The following ARIH2 variants were observed in gnomAD, a reference collection of about 807,000 sequenced individuals.
ARIH2 encodes the protein E3 ubiquitin-protein ligase ARIH2.
In ARIH2, 12 loss-of-function variants were observed where a neutral mutation model predicts 79.8. The ratio of observed to expected loss-of-function variants is 0.15; its 90% confidence interval spans 0.10 to 0.24. The LOEUF is 0.24. ARIH2 is among the 10% of genes least tolerant of loss of function. The pLI, the probability that ARIH2 is intolerant of heterozygous loss-of-function variation, is 1.00. For synonymous variants in ARIH2, 224 were observed against 213.9 expected (o/e 1.05, Z -0.41); for missense variants, 301 against 618.3 (o/e 0.49, Z 5.44).
intron 14 of ARIH2, among the ~76,000 whole-genome samples, 196 bp downstream of exon 14, chr3:48,981,924 T>C (rs1203354154): frequency 6.6e-6 from 1 of 152,234 alleles, no homozygotes; most frequent in Non-Finnish European, 1.5e-5. Flanking sequence ...TTGTGTCATA[T>C]AAGGCACATG....
chr3:48,975,637 T>G (rs1446624153), intron 11 of ARIH2, among the ~76,000 whole-genome samples: 3 of 151,714 alleles, frequency 2.0e-5, no homozygotes, highest in Non-Finnish European at 4.4e-5. Context: ...CAGTCTTGGC[T>G]CACTGCAACC....
At chr3:48,940,883 G>T (rs995844300) in intron 3 of ARIH2, among the ~76,000 whole-genome samples, 1 of 148,276 alleles carries the variant, frequency 6.7e-6, no homozygotes, top group Non-Finnish European at 1.5e-5. Flanking sequence ...AAATATATTT[G>T]TGCAGGCTGG....
Position 48,981,650 on chromosome 3 carries a change from C to T in ARIH2, c.1258-10C>T. The T allele has an allele frequency of 6.2e-7, 1 of 1,611,576 alleles. No homozygotes were observed. On this transcript the variant is annotated splice_polypyrimidine_tract_variant and intron_variant, in intron 13 of 15. Transcript: ENST00000356401. ...CAGACACAGGTTCCTTCTCTTCTCT[C>T]CTGTTGCAGTGTCGATACACCCTGC...
chr3:48,961,636 A>G lies in ARIH2; in HGVS notation c.280A>G (p.Ile94Val), dbSNP rs770534282. ...LKVSHSVAKL[I>V]LVNFHWQVSE... is the part of the protein sequence containing the mutation. ...GGTATCTCATTCAGTTGCTAAACTT[A>G]TATTAGTTAATTTCCACTGGCAAGT... The change falls in exon 4 of 16, where the codon ATA becomes GTA. Residue 94 changes from isoleucine (I) to valine (V), a missense_variant. Around this residue, in one of 2 missense-constraint regions of ARIH2, gnomAD observed 223 missense variants for 349.4 expected, o/e 0.64. Transcript: ENST00000356401. 1.9e-6 allele frequency: 3 copies of G among 1,609,290 alleles called. No homozygotes were observed. Among genetic ancestry groups the G allele is most frequent in the African/African-American group, 1.3e-5 (1 of 74,824 alleles).
Position 48,920,939 on chromosome 3 carries a change from A to G in ARIH2, c.-161-1809A>G, listed in dbSNP as rs1559694704. ...AGAAATATTGTCCCCTTGGAACAAG[A>G]TCAGCACTTTTTCTTTCTTTCATTT... is the stretch of plus-strand genomic sequence containing the variant. On this transcript the variant is annotated intron_variant, in intron 1 of 15. Transcript: ENST00000356401. Among the ~76,000 whole-genome samples the G allele has an allele frequency of 2.8e-5, 2 of 71,526 alleles. 1 individual carries two copies. The highest frequency in any genetic ancestry group is 5.6e-5 in the Non-Finnish European group (2 of 35,846). 46.9% of individuals were successfully genotyped at this position (71,526 alleles called of 152,430 possible). A position where few individuals can be genotyped will look rare whatever the true frequency, so the allele number is the denominator to read the frequency against.
chr3:48,968,020 GTTT>G (rs1239076494), intron 6 of ARIH2: 1 of 147,694 alleles, frequency 6.8e-6, no homozygotes, highest in Non-Finnish European at 1.5e-5. Context: ...TTTTGGGTTT[GTTT>G]TTTTTTTGTT....
intron 3 of ARIH2, among the ~76,000 whole-genome samples, chr3:48,955,811 G>C (rs1019235341): frequency 6.6e-6 from 1 of 152,210 alleles, no homozygotes; most frequent in Non-Finnish European, 1.5e-5. Flanking sequence ...CTGGGGAGTT[G>C]AGATGGGGGT....
At chr3:48,963,415 A>G (rs2091476085) in intron 4 of ARIH2, among the ~76,000 whole-genome samples, 1 of 152,220 alleles carries the variant, frequency 6.6e-6, no homozygotes, top group African/African-American at 2.4e-5. Context: ...CAATAAGGAT[A>G]GCTGAGGGAA....
Position 48,983,454 on chromosome 3 carries a change from C to G in ARIH2, c.*184C>G, listed in dbSNP as rs183107342. ...CTTCTCTTTTCACTTTTTGTTTCTACCAGGGTAGAGGCCATGTTGAACTGG... is the reference window on the plus strand; with the variant it reads ...CTTCTCTTTTCACTTTTTGTTTCTAGCAGGGTAGAGGCCATGTTGAACTGG... On this transcript the variant is annotated 3_prime_UTR_variant, in exon 16 of 16. Coordinates refer to ENST00000356401, the MANE Select transcript of ARIH2 (RefSeq NM_006321.4). The G allele has an allele frequency of 1.6e-6, 1 of 631,690 alleles. No homozygotes were observed. Among genetic ancestry groups the G allele is most frequent in the Non-Finnish European group, 2.8e-6 (1 of 357,726 alleles). 39.1% of individuals were successfully genotyped at this position (631,690 alleles called of 1,614,324 possible). A position where few individuals can be genotyped will look rare whatever the true frequency, so the allele number is the denominator to read the frequency against.
At chr3:48,919,169 G>C (rs763710057) in intron 1 of ARIH2, 171 bp downstream of exon 1, 4 of 1,299,666 alleles carry the variant, frequency 3.1e-6, no homozygotes, top group Non-Finnish European at 3.9e-6. Flanking sequence ...TCAGCGGCCG[G>C]GCGCCCAGCG....
chr3:48,944,991 A>G, intron 3 of ARIH2: 1 of 552,774 alleles, frequency 1.8e-6, no homozygotes, highest in Non-Finnish European at 3.0e-6. Context: ...GTGAGTGACC[A>G]CTAGTGTTTG....
At chr3:48,962,119 G>A (rs1305957456) in intron 4 of ARIH2, among the ~76,000 whole-genome samples, 1 of 152,168 alleles carries the variant, frequency 6.6e-6, no homozygotes, top group Non-Finnish European at 1.5e-5. Context: ...GCTCATGCCT[G>A]TAATCTCAGC....
intron 4 of ARIH2, 49 bp downstream of exon 4, chr3:48,961,728 C>T: frequency 8.3e-7 from 1 of 1,206,312 alleles, no homozygotes; most frequent in South Asian, 1.2e-5. Context: ...GCTCCCCTCT[C>T]CGTGGTGATT....
chr3:48,977,667 C>T (rs1419388256), intron 11 of ARIH2, among the ~76,000 whole-genome samples: 3 of 152,164 alleles, frequency 2.0e-5, no homozygotes, highest in Non-Finnish European at 4.4e-5. Context: ...CCTTGTTGGC[C>T]ATGCTGGTTG....
At chr3:48,935,515 C>G (rs2086982946) in intron 3 of ARIH2, among the ~76,000 whole-genome samples, 1 of 152,100 alleles carries the variant, frequency 6.6e-6, no homozygotes. Flanking sequence ...ATGGATATGA[C>G]TTTTATGTCT....
At chr3:48,933,539 C>T (rs1170768957) in intron 3 of ARIH2, among the ~76,000 whole-genome samples, 3 of 146,426 alleles carry the variant, frequency 2.0e-5, no homozygotes, top group African/African-American at 7.6e-5. Flanking sequence ...GTATATTGCT[C>T]ACTTTTTTTT....
At chr3:48,940,808 A>AAAAAATATATATATAT (rs759369585) in intron 3 of ARIH2, among the ~76,000 whole-genome samples, 1 of 98,068 alleles carries the variant, frequency 1.0e-5, no homozygotes, top group African/African-American at 4.1e-5. Flanking sequence ...AAAAAAAAAA[A>AAAAAATATATATATAT]ATATATATAT....
rs997827681 is a variant in ARIH2, at chr3:48,979,499, C to T, written c.979C>T (p.Leu327=). 6.2e-7 allele frequency: 1 copy of T among 1,614,028 alleles called. No homozygotes were observed. Among genetic ancestry groups the T allele is most frequent in the African/African-American group, 1.3e-5 (1 of 74,918 alleles). Residue 327 remains leucine, a synonymous_variant, in exon 12 of 16, where the codon CTA becomes TTA. Coordinates refer to ENST00000356401, the MANE Select transcript of ARIH2 (RefSeq NM_006321.4). ...CTGCACAGACTTCTGCTGGATGTGT[C>T]TAGGAGATTGGAAGACTCATGGCAG... The part of the protein sequence containing the change: ...KCKHDFCWMC[L]GDWKTHGSEY...
intron 3 of ARIH2, among the ~76,000 whole-genome samples, chr3:48,949,396 C>G (rs767061808): frequency 6.6e-6 from 1 of 152,180 alleles, no homozygotes; most frequent in Non-Finnish European, 1.5e-5. Flanking sequence ...TGTGAGCCAT[C>G]GTGCCCAGCC....
Sources: gnomAD v4.1 joint callset for allele counts (sites outside exome capture counted in the v4.1 genomes callset) on GRCh38, gnomAD v4.1.1 for gene constraint, gnomAD v4.1.1 regional missense constraint, MANE v1.5 for transcripts, NCBI Gene and HGNC (gene_info 2026-07-23, HGNC 2026-07-21) for gene names.